The following NSMCE2 variants were observed in gnomAD, a reference collection of about 807,000 sequenced individuals.
The protein encoded by NSMCE2 is E3 SUMO-protein ligase NSE2.
A neutral mutation model predicts 23.8 loss-of-function variants in NSMCE2; 24 were observed. The ratio of observed to expected loss-of-function variants is 1.01; its 90% CI spans 0.73 to 1.42. The LOEUF (loss-of-function observed/expected upper bound fraction) is 1.42, where lower values mean the gene tolerates loss of function less well. Among genes scored for constraint, NSMCE2 ranks in the 40% most tolerant of loss-of-function variants. The pLI, the probability that NSMCE2 is intolerant of heterozygous loss-of-function variation, is 0.00. For missense variants in NSMCE2, 284 were observed against 296.5 expected, an observed-to-expected ratio of 0.96 and a Z score of 0.31; for synonymous variants, 92 against 94.1, an observed-to-expected ratio of 0.98 and a Z score of 0.13.
At chr8:125,341,275 C>T (rs1344482499) in intron 5 of NSMCE2, among the ~76,000 whole-genome samples, 1 of 152,170 alleles carries the variant, frequency 6.6e-6, no homozygotes, top group Non-Finnish European at 1.5e-5. Flanking sequence ...GCTAGTGACC[C>T]AACAGCATCA....
At position 125,152,972 on chromosome 8, in the gene NSMCE2, G is replaced by A. The variant is rs573267615; in HGVS notation, c.264+1695G>A. On this transcript the variant is annotated intron_variant, in intron 4 of 7. Coordinates refer to ENST00000287437, the MANE Select transcript of NSMCE2 (RefSeq NM_173685.4). ...CTCAGGAGGCTGAGGCAGGAGAACC[G>A]CTTGGACCCAGGAGGTGGAGGTTGC... 4.5e-4 allele frequency among the ~76,000 whole-genome samples: 65 copies of A among 145,206 alleles called. 1 individual carries two copies. Among genetic ancestry groups the A allele is most frequent in the Non-Finnish European group, 8.0e-4 (54 of 67,316 alleles).
At chr8:125,119,171 C>T (rs141488955) in intron 3 of NSMCE2, among the ~76,000 whole-genome samples, 4 of 152,232 alleles carry the variant, frequency 2.6e-5, no homozygotes, top group South Asian at 4.1e-4. Context: ...CTCCTGTTAC[C>T]GTGGAATCTC....
intron 5 of NSMCE2, among the ~76,000 whole-genome samples, chr8:125,252,872 A>G (rs990987596): frequency 6.6e-6 from 1 of 152,282 alleles, no homozygotes; most frequent in Non-Finnish European, 1.5e-5. Flanking sequence ...GGAAAGAGCC[A>G]AGGTTATTTA....
intron 3 of NSMCE2, among the ~76,000 whole-genome samples, chr8:125,129,290 A>AT (rs1251521921): frequency 6.6e-6 from 1 of 152,096 alleles, no homozygotes; most frequent in Non-Finnish European, 1.5e-5. Flanking sequence ...GAGGAATTTG[A>AT]TTTTAAGGAG....
intron 4 of NSMCE2, among the ~76,000 whole-genome samples, chr8:125,173,807 T>C (rs944314113): frequency 1.4e-4 from 22 of 152,186 alleles, no homozygotes; most frequent in Admixed American, 1.2e-3. Flanking sequence ...ACAAGCAAAG[T>C]AAAACATTTA....
intron 5 of NSMCE2, among the ~76,000 whole-genome samples, chr8:125,243,672 A>G (rs892050761): frequency 3.9e-5 from 6 of 152,190 alleles, no homozygotes; most frequent in African/African-American, 1.4e-4. Flanking sequence ...TATAAGAACT[A>G]TAAAGAACTA....
intron 5 of NSMCE2, among the ~76,000 whole-genome samples, chr8:125,250,950 A>G (rs1826177757): frequency 6.6e-6 from 1 of 152,236 alleles, no homozygotes; most frequent in East Asian, 1.9e-4. Context: ...ACTAGGTGAC[A>G]GTAAAACAAC....
At chr8:125,257,227 T>C (rs557668639) in intron 5 of NSMCE2, among the ~76,000 whole-genome samples, 2 of 150,428 alleles carry the variant, frequency 1.3e-5, no homozygotes, top group South Asian at 2.1e-4. Flanking sequence ...GAGGTTGCAG[T>C]GAGCTGAGAT....
intron 5 of NSMCE2, among the ~76,000 whole-genome samples, chr8:125,323,270 C>T (rs570333975): frequency 2.2e-4 from 33 of 152,262 alleles, no homozygotes; most frequent in Non-Finnish European, 4.7e-4. Flanking sequence ...AGAATCCCAG[C>T]AGGGGTTTTT....
chr8:125,219,698 C>T (rs1005167341), intron 5 of NSMCE2, among the ~76,000 whole-genome samples: 1 of 152,082 alleles, frequency 6.6e-6, no homozygotes, highest in African/African-American at 2.4e-5. Flanking sequence ...AGAATTCTCC[C>T]GTGGTTATAA....
chr8:125,283,012 A>C (rs1314640688), intron 5 of NSMCE2, among the ~76,000 whole-genome samples: 1 of 152,218 alleles, frequency 6.6e-6, no homozygotes. Flanking sequence ...TAGAATCTTA[A>C]TTGTGCTTCT....
At chr8:125,256,325 CAG>C (rs1032610713) in intron 5 of NSMCE2, among the ~76,000 whole-genome samples, 1 of 150,218 alleles carries the variant, frequency 6.7e-6, no homozygotes, top group African/African-American at 2.5e-5. Flanking sequence ...AGGAAAGAGA[CAG>C]TGAAAGAGGA....
At chr8:125,365,996 G>A (rs546126749) in intron 7 of NSMCE2, among the ~76,000 whole-genome samples, 2 of 152,256 alleles carry the variant, frequency 1.3e-5, no homozygotes, top group South Asian at 4.1e-4. Context: ...AAGCTGGAAC[G>A]TCCTCAGCAC....
chr8:125,262,494 T>C (rs7017794), intron 5 of NSMCE2, among the ~76,000 whole-genome samples: 136,046 of 152,250 alleles, frequency 0.89, 60,917 homozygotes, highest in African/African-American at 0.95. Context: ...TAGTTTGCCA[T>C]TCATTCATTC....
At chr8:125,165,007 T>G (rs1821805667) in intron 4 of NSMCE2, among the ~76,000 whole-genome samples, 1 of 152,204 alleles carries the variant, frequency 6.6e-6, no homozygotes, top group Non-Finnish European at 1.5e-5. Flanking sequence ...AAGGTCTGTA[T>G]GTGGCATTAC....
intron 5 of NSMCE2, among the ~76,000 whole-genome samples, chr8:125,199,537 C>T (rs1392424191): frequency 6.6e-6 from 1 of 152,036 alleles, no homozygotes; most frequent in African/African-American, 2.4e-5. Context: ...GCACTGTGGT[C>T]TGAGAGTTTG....
At chr8:125,322,839 T>C (rs1194577817) in intron 5 of NSMCE2, among the ~76,000 whole-genome samples, 1 of 152,256 alleles carries the variant, frequency 6.6e-6, no homozygotes, top group Non-Finnish European at 1.5e-5. Context: ...TTAAATGCCA[T>C]TTATGATATC....
intron 5 of NSMCE2, among the ~76,000 whole-genome samples, chr8:125,198,520 G>A (rs1318884258): frequency 1.3e-5 from 2 of 152,196 alleles, no homozygotes; most frequent in African/African-American, 4.8e-5. Flanking sequence ...AACCAGCCTT[G>A]CATCCCAGGG....
chr8:125,149,866 AT>A (rs1415051054), intron 3 of NSMCE2, among the ~76,000 whole-genome samples: 1 of 151,874 alleles, frequency 6.6e-6, no homozygotes, highest in Non-Finnish European at 1.5e-5. Context: ...TTTTATATTT[AT>A]TTTTGTTTCA....
Sources: allele counts gnomAD v4.1 joint callset (sites outside exome capture counted in the v4.1 genomes callset), GRCh38; gene constraint gnomAD v4.1.1; transcripts MANE v1.5; gene names NCBI Gene and HGNC (gene_info 2026-07-23, HGNC 2026-07-21).